NAA35: variants seen among roughly 807,000 people sequenced by gnomAD.
The protein encoded by NAA35 is N-alpha-acetyltransferase 35, NatC auxiliary subunit.
NAA35 carries 18 observed loss-of-function variants against 101.7 expected under a neutral mutation model. The ratio of observed to expected loss-of-function variants is 0.18; its 90% CI spans 0.12 to 0.26. The LOEUF is 0.26. Ranked by LOEUF, NAA35 falls within the 10% of genes least tolerant of loss-of-function variation. The pLI, the probability that NAA35 is intolerant of heterozygous loss-of-function variation, is 1.00. For missense variants in NAA35, 601 were observed against 886.8 expected (o/e 0.68, Z 4.09); for synonymous variants, 267 against 273.1 (o/e 0.98, Z 0.22).
intron 11 of NAA35, among the ~76,000 whole-genome samples, chr9:85,985,462 G>A (rs916432578): frequency 6.6e-6 from 1 of 152,148 alleles, no homozygotes; most frequent in East Asian, 1.9e-4. Flanking sequence ...TTAAAACACT[G>A]TGTTACATGG....
At chr9:85,957,188 T>G (rs147334508) in intron 3 of NAA35, among the ~76,000 whole-genome samples, 1 of 152,290 alleles carries the variant, frequency 6.6e-6, no homozygotes, top group East Asian at 1.9e-4. Context: ...TTAACACATA[T>G]TTTGTATGTC....
In NAA35 at chr9:85,963,307, G is replaced by A. The variant is rs187495465; in HGVS notation, c.516+1127G>A. On this transcript the variant is annotated intron_variant, in intron 6 of 22. Coordinates refer to ENST00000361671, the MANE Select transcript of NAA35 (RefSeq NM_024635.4). ...TTTTTTGAGAGGGGGTTTTAGTCCTGTTGCCCAGGTTGGAGTACAATGGGG... is the reference window on the plus strand; with the variant it reads ...TTTTTTGAGAGGGGGTTTTAGTCCTATTGCCCAGGTTGGAGTACAATGGGG... Among the ~76,000 whole-genome samples, 21 of 109,266 alleles carry A rather than the reference G, an allele frequency of 1.9e-4. No individual in the cohort carries two copies. In the East Asian group the frequency reaches 5.4e-3, roughly 28 times the overall value. 71.7% of individuals were successfully genotyped at this position (109,266 alleles called of 152,430 possible). A position where few individuals can be genotyped will look rare whatever the true frequency, so the allele number is the denominator to read the frequency against.
chr9:85,969,787 C>G (rs1008899157), intron 6 of NAA35, among the ~76,000 whole-genome samples: 3 of 151,282 alleles, frequency 2.0e-5, no homozygotes, highest in Non-Finnish European at 4.4e-5. Context: ...CACTTGAGCC[C>G]AGGAGTTTGA....
intron 9 of NAA35, among the ~76,000 whole-genome samples, chr9:85,976,991 C>T (rs1026231996): frequency 3.3e-5 from 5 of 152,100 alleles, no homozygotes; most frequent in African/African-American, 9.7e-5. Flanking sequence ...AGATGATGCA[C>T]CAGAGCGCCA....
intron 14 of NAA35, among the ~76,000 whole-genome samples, chr9:86,009,224 T>G (rs1207963571): frequency 1.3e-5 from 2 of 152,226 alleles, no homozygotes; most frequent in Non-Finnish European, 2.9e-5. Flanking sequence ...GTAATTTTCT[T>G]GCTTTAGGGT....
intron 15 of NAA35, among the ~76,000 whole-genome samples, chr9:86,011,074 C>G (rs905823747): frequency 6.6e-6 from 1 of 150,932 alleles, no homozygotes; most frequent in African/African-American, 2.4e-5. Flanking sequence ...AAAACCCTGT[C>G]TCTACTGAAA....
intron 6 of NAA35, among the ~76,000 whole-genome samples, chr9:85,967,528 C>T (rs948465615): frequency 3.9e-5 from 6 of 152,056 alleles, no homozygotes; most frequent in Admixed American, 6.6e-5. Flanking sequence ...AATGATTTGG[C>T]CGGGCGCGGT....
chr9:85,993,678 T>G (rs559132969), intron 11 of NAA35, among the ~76,000 whole-genome samples: 1 of 152,264 alleles, frequency 6.6e-6, no homozygotes, highest in Non-Finnish European at 1.5e-5. Flanking sequence ...TCAATAAAAT[T>G]AGAAAAGGGA....
At chr9:85,986,663 C>A (rs770767881) in intron 11 of NAA35, 3 of 318,140 alleles carry the variant, frequency 9.4e-6, no homozygotes, top group Non-Finnish European at 1.8e-5. Context: ...CGGCTCAATG[C>A]AACCTCTGCC....
intron 14 of NAA35, among the ~76,000 whole-genome samples, chr9:86,008,821 A>G (rs1831764923): frequency 2.0e-5 from 3 of 152,092 alleles, no homozygotes; most frequent in South Asian, 2.1e-4. Context: ...GTTTCTCTTT[A>G]TTTTAGGAGT....
At chr9:85,957,676 A>T (rs1829335570) in intron 3 of NAA35, among the ~76,000 whole-genome samples, 1 of 152,234 alleles carries the variant, frequency 6.6e-6, no homozygotes. Context: ...GTTCGTCTTT[A>T]TATGCCCATA....
chr9:85,954,843 G>A (rs542557550), intron 2 of NAA35, among the ~76,000 whole-genome samples: 1 of 152,326 alleles, frequency 6.6e-6, no homozygotes, highest in Non-Finnish European at 1.5e-5. Flanking sequence ...AACATGGCAA[G>A]TTCCTGGGTT....
intron 9 of NAA35, 22 bp from the exon 10 acceptor site, chr9:85,977,341 T>C (rs767051062): frequency 6.4e-7 from 1 of 1,557,784 alleles, no homozygotes; most frequent in Non-Finnish European, 8.9e-7. Context: ...TTTTAACTTT[T>C]AGTCCTTTCT....
At chr9:85,960,372 C>T (rs1344997148) in intron 5 of NAA35, among the ~76,000 whole-genome samples, 1 of 152,138 alleles carries the variant, frequency 6.6e-6, no homozygotes, top group Non-Finnish European at 1.5e-5. Flanking sequence ...TTCCCCCCCG[C>T]CCCACTTTCT....
At chr9:85,996,956 A>AT (rs1035778925) in intron 12 of NAA35, among the ~76,000 whole-genome samples, 51 of 148,556 alleles carry the variant, frequency 3.4e-4, no homozygotes, top group African/African-American at 1.2e-3. Context: ...TTTTTTTTTA[A>AT]TTTTTTTTGT....
chr9:85,958,647 G>T, intron 4 of NAA35, 61 bp downstream of exon 4: 1 of 1,061,164 alleles, frequency 9.4e-7, no homozygotes, highest in East Asian at 2.5e-5. Flanking sequence ...GTTAAAACAT[G>T]GTGCTTAATA....
intron 2 of NAA35, among the ~76,000 whole-genome samples, chr9:85,951,768 C>T (rs1177729455): frequency 6.6e-6 from 1 of 152,204 alleles, no homozygotes; most frequent in Non-Finnish European, 1.5e-5. Context: ...GATTCTCCTG[C>T]CTCAGCATCC....
At chr9:85,977,493 C>T (rs1250569938) in intron 10 of NAA35, 47 bp downstream of exon 10, 4 of 1,364,770 alleles carry the variant, frequency 2.9e-6, no homozygotes, top group Non-Finnish European at 4.2e-6. Flanking sequence ...GTGATTTTGG[C>T]TGGAATTCCT....
At chr9:85,977,792 C>T (rs535771355) in intron 10 of NAA35, among the ~76,000 whole-genome samples, 2 of 151,998 alleles carry the variant, frequency 1.3e-5, no homozygotes, top group South Asian at 2.1e-4. Flanking sequence ...AAAAGCAAGC[C>T]CTAGATGGTG....
Sources: allele counts gnomAD v4.1 joint callset (sites outside exome capture counted in the v4.1 genomes callset), GRCh38; gene constraint gnomAD v4.1.1; transcripts MANE v1.5; gene names NCBI Gene and HGNC (gene_info 2026-07-23, HGNC 2026-07-21).